Variants in RORA observed in about 807,000 individuals in gnomAD.
The protein encoded by RORA is nuclear receptor ROR-alpha.
In RORA, 7 loss-of-function variants were observed where a neutral mutation model predicts 69.5. That is an observed-to-expected ratio of 0.10 (90% CI 0.06 to 0.19). The LOEUF is 0.19. Among genes scored for constraint, RORA ranks in the 10% least tolerant of loss-of-function variants. The probability of loss-of-function intolerance (pLI) is 1.00; values close to 1 mark genes in which losing one functional copy is unlikely to be tolerated. For synonymous variants in RORA, 261 were observed against 240.8 expected (o/e 1.08, Z -0.78); for missense variants, 457 against 663.0 (o/e 0.69, Z 3.41).
chr15:60,901,423 C>T (rs757638717), intron 1 of RORA, among the ~76,000 whole-genome samples: 15 of 152,196 alleles, frequency 9.9e-5, no homozygotes, highest in Non-Finnish European at 2.9e-5. Context: ...CTGCCCACCT[C>T]GGCCTCCCAA....
chr15:60,545,445 C>T (rs1478698275), intron 2 of RORA, among the ~76,000 whole-genome samples: 2 of 152,150 alleles, frequency 1.3e-5, no homozygotes, highest in African/African-American at 2.4e-5. Context: ...TCTATTGAAG[C>T]CAGTTTCTTG....
chr15:60,842,009 T>C (rs949573340), intron 1 of RORA, among the ~76,000 whole-genome samples: 1 of 151,958 alleles, frequency 6.6e-6, no homozygotes, highest in African/African-American at 2.4e-5. Context: ...ACAGTTTGGG[T>C]CACTGCCATC....
Position 60,934,492 on chromosome 15 carries a change from TTG to T in RORA, c.167-255808_167-255807del, listed in dbSNP as rs749920499. 5.6e-3 allele frequency among the ~76,000 whole-genome samples: 842 copies of T among 149,530 alleles called. 4 individuals are homozygous for T. The highest frequency in any genetic ancestry group is 0.01 in the Middle Eastern group (3 of 290). On this transcript the variant is annotated intron_variant, in intron 1 of 10. Transcript: ENST00000335670. Reference sequence around the variant, plus strand: ...TTTGTTGTTGTTGTTGTTGTTGTTGTTGTTGTTTGTTTGTTTGTTTTTTTCTG... The same window carrying T: ...TTTGTTGTTGTTGTTGTTGTTGTTGTTTGTTTGTTTGTTTGTTTTTTTCTG...
At chr15:60,702,215 A>G (rs928224205) in intron 1 of RORA, among the ~76,000 whole-genome samples, 1 of 152,058 alleles carries the variant, frequency 6.6e-6, no homozygotes, top group African/African-American at 2.4e-5. Flanking sequence ...TAGGGTTGTA[A>G]TTCGGCTTCA....
chr15:60,973,643 G>A (rs999444732), intron 1 of RORA, among the ~76,000 whole-genome samples: 1 of 152,266 alleles, frequency 6.6e-6, no homozygotes, highest in Admixed American at 6.5e-5. Flanking sequence ...AACATTATTC[G>A]GCTTACAACA....
intron 2 of RORA, among the ~76,000 whole-genome samples, chr15:60,648,182 A>C (rs2070085955): frequency 2.0e-5 from 3 of 152,262 alleles, no homozygotes; most frequent in Admixed American, 1.3e-4. Flanking sequence ...ATGATCCTGA[A>C]GAAGGTGCAG....
intron 1 of RORA, among the ~76,000 whole-genome samples, chr15:60,962,389 G>A (rs1893438647): frequency 6.6e-6 from 1 of 152,188 alleles, no homozygotes; most frequent in Admixed American, 6.5e-5. Flanking sequence ...TTCAGCACTT[G>A]CTGTCAGAAC....
intron 1 of RORA, among the ~76,000 whole-genome samples, chr15:60,699,137 T>C (rs185614445): frequency 6.6e-6 from 1 of 152,258 alleles, no homozygotes; most frequent in Admixed American, 6.5e-5. Context: ...TCTACCTTTT[T>C]GGTTATTAAA....
At chr15:60,938,675 A>T (rs1056900960) in intron 1 of RORA, among the ~76,000 whole-genome samples, 1 of 152,224 alleles carries the variant, frequency 6.6e-6, no homozygotes, top group Non-Finnish European at 1.5e-5. Flanking sequence ...GGAGGCAAGA[A>T]GGTTTGCTTG....
At chr15:60,887,294 C>T (rs1475507637) in intron 1 of RORA, among the ~76,000 whole-genome samples, 2 of 152,090 alleles carry the variant, frequency 1.3e-5, no homozygotes, top group Non-Finnish European at 2.9e-5. Context: ...AGTTATTTGG[C>T]CAGTTGTGAA....
intron 1 of RORA, among the ~76,000 whole-genome samples, chr15:61,143,479 T>C (rs774579151): frequency 7.9e-5 from 12 of 152,272 alleles, no homozygotes; most frequent in Admixed American, 3.9e-4. Flanking sequence ...CCTGTGAGCA[T>C]TGCCAGTAAA....
At chr15:60,540,576 C>CA (rs1555428644) in intron 2 of RORA, among the ~76,000 whole-genome samples, 10 of 115,452 alleles carry the variant, frequency 8.7e-5, no homozygotes, top group Non-Finnish European at 1.6e-4. Flanking sequence ...CCCCCCCCCC[C>CA]AAAACTGTGC....
intron 1 of RORA, among the ~76,000 whole-genome samples, chr15:61,155,687 T>C (rs150933801): frequency 1.3e-5 from 2 of 152,180 alleles, no homozygotes; most frequent in African/African-American, 2.4e-5. Flanking sequence ...TTCTGTCTCA[T>C]CTTCAGCTGT....
intron 1 of RORA, among the ~76,000 whole-genome samples, chr15:60,792,919 C>G (rs150926433): frequency 6.6e-6 from 1 of 152,004 alleles, no homozygotes; most frequent in African/African-American, 2.4e-5. Context: ...TATAATCATA[C>G]TTTGCCCTAT....
chr15:61,101,483 C>T (rs1022259292), intron 1 of RORA, among the ~76,000 whole-genome samples: 4 of 151,910 alleles, frequency 2.6e-5, no homozygotes, highest in Admixed American at 1.3e-4. Context: ...GATACATTCA[C>T]GAAACTGATA....
chr15:61,124,468 T>C (rs1216179131), intron 1 of RORA, among the ~76,000 whole-genome samples: 1 of 152,100 alleles, frequency 6.6e-6, no homozygotes. Flanking sequence ...AAGTGTTGCT[T>C]CTCATCAGGA....
intron 2 of RORA, among the ~76,000 whole-genome samples, chr15:60,656,453 AG>A (rs1371769438): frequency 6.6e-6 from 1 of 152,250 alleles, no homozygotes; most frequent in African/African-American, 2.4e-5. Flanking sequence ...AGTAAACAGC[AG>A]TATGCTCTAT....
intron 1 of RORA, among the ~76,000 whole-genome samples, chr15:60,694,705 A>C (rs1443463202): frequency 6.6e-6 from 1 of 152,190 alleles, no homozygotes; most frequent in African/African-American, 2.4e-5. Context: ...TGCCACACAC[A>C]GCCAAGTGTT....
intron 1 of RORA, among the ~76,000 whole-genome samples, chr15:60,927,454 A>T (rs1892250429): frequency 6.6e-6 from 1 of 152,056 alleles, no homozygotes. Flanking sequence ...CTTCCTTCCT[A>T]CTTCTAACTA....
Sources: allele counts gnomAD v4.1 joint callset (sites outside exome capture counted in the v4.1 genomes callset), GRCh38; gene constraint gnomAD v4.1.1; transcripts MANE v1.5; gene names NCBI Gene and HGNC (gene_info 2026-07-23, HGNC 2026-07-21).